The following CAPN15 variants were observed in gnomAD, a reference collection of about 807,000 sequenced individuals.
CAPN15 encodes calpain-15.
A neutral mutation model predicts 97.9 loss-of-function variants in CAPN15; 53 were observed. The observed-to-expected ratio is 0.54, with a 90% CI of 0.43 to 0.68. CAPN15 has a LOEUF of 0.68. CAPN15 is among the 30% of genes least tolerant of loss of function. CAPN15 has a pLI of 0.00. For synonymous variants in CAPN15, 922 were observed against 722.5 expected (o/e 1.28, Z -4.43); for missense variants, 1,592 against 1,589.8 (o/e 1.00, Z -0.02).
In CAPN15 at chr16:551,755, C is replaced by T. The variant is rs2142075109; in HGVS notation, c.2345+91C>T. ...GAACAAGCCTGTCCCTCCTGCTGAC[C>T]TGGGGTGGGGCGGCTTGTTCGTGGC... On this transcript the variant is annotated intron_variant, in intron 9 of 13. Transcript: ENST00000219611. 4 of 1,520,116 alleles carry T rather than the reference C, an allele frequency of 2.6e-6. No individual in the cohort carries two copies. In the South Asian group the frequency reaches 3.5e-5, roughly 13 times the overall value. 94.2% of individuals were successfully genotyped at this position (1,520,116 alleles called of 1,614,324 possible). A position where few individuals can be genotyped will look rare whatever the true frequency, so the allele number is the denominator to read the frequency against.
At chr16:544,701 A>ACGT (rs1167715867) in intron 3 of CAPN15, among the ~76,000 whole-genome samples, 1 of 69,680 alleles carries the variant, frequency 1.4e-5, no homozygotes, top group Admixed American at 1.5e-4. Flanking sequence ...CGCCTCCCCC[A>ACGT]CGTCGCCTCC....
intron 3 of CAPN15, among the ~76,000 whole-genome samples, chr16:542,174 G>A (rs34433710): frequency 0.081 from 12,402 of 152,342 alleles, 575 homozygotes; most frequent in Non-Finnish European, 0.11. Context: ...TTTGCGGGAT[G>A]AACCGCATTT....
In CAPN15 at chr16:546,974, C is replaced by G. The variant is rs376014063; in HGVS notation, c.136C>G (p.Gln46Glu). The change falls in exon 4 of 14, where the codon CAG becomes GAG. Residue 46 changes from glutamine to glutamate, a missense_variant. By Grantham distance (29) the Gln-to-Glu change is conservative. Transcript: ENST00000219611. ...NHILRLSVEE[Q>E]KWPCARCTFR... ...CATCCTGCGGCTCAGCGTGGAGGAGCAGAAATGGCCCTGCGCCCGCTGCAC... is the reference window on the plus strand; with the variant it reads ...CATCCTGCGGCTCAGCGTGGAGGAGGAGAAATGGCCCTGCGCCCGCTGCAC... The G allele has an allele frequency of 9.3e-6, 15 of 1,610,240 alleles. No individual in the cohort carries two copies. Among genetic ancestry groups the G allele is most frequent in the Non-Finnish European group, 1.2e-5 (14 of 1,179,890 alleles).
chr16:528,866 C>A, intron 1 of CAPN15: 1 of 666,100 alleles, frequency 1.5e-6, no homozygotes, highest in Non-Finnish European at 1.9e-6. Flanking sequence ...TTCCTCTGCC[C>A]AGGTCTGAGG....
chr16:538,886 C>T (rs1164615317), intron 3 of CAPN15: 1 of 149,672 alleles, frequency 6.7e-6, no homozygotes, highest in Non-Finnish European at 1.5e-5. Flanking sequence ...CCCCCCCCAG[C>T]CCGCTCACCT....
chr16:553,745 A>G lies in CAPN15; in HGVS notation c.*229A>G. 1 of 419,796 alleles carries G rather than the reference A, an allele frequency of 2.4e-6. No individual in the cohort carries two copies. The highest frequency in any genetic ancestry group is 4.3e-6 in the Non-Finnish European group (1 of 234,898). 26.0% of individuals were successfully genotyped at this position (419,796 alleles called of 1,614,324 possible). On this transcript the variant is annotated 3_prime_UTR_variant, in exon 14 of 14. Coordinates refer to ENST00000219611, the MANE Select transcript of CAPN15 (RefSeq NM_005632.3). ...CCTGGCCGCCACGCAGAATACCTCG[A>G]ACCAGGCGGGCTGTGAACCAGCCCC...
At chr16:543,910 C>T (rs1009064768) in intron 3 of CAPN15, among the ~76,000 whole-genome samples, 4 of 152,322 alleles carry the variant, frequency 2.6e-5, no homozygotes, top group East Asian at 1.9e-4. Context: ...GCCCCATGAC[C>T]GCTCCCCCAC....
rs1356060897 is a variant in CAPN15 at position 552,548 on chromosome 16, C to G, written c.2737+18C>G. The G allele has an allele frequency of 4.4e-6, 7 of 1,583,622 alleles. No individual in the cohort carries two copies. The highest frequency in any genetic ancestry group is 1.7e-5 in the Admixed American group (1 of 57,656). ...CCCCCAGGGTACGTGGCCCCTACCCCAGGCTCATGCCCCAGGCCCACGGGG... is the reference window on the plus strand; with the variant it reads ...CCCCCAGGGTACGTGGCCCCTACCCGAGGCTCATGCCCCAGGCCCACGGGG... On this transcript the variant is annotated intron_variant, in intron 11 of 13. Coordinates refer to ENST00000219611, the MANE Select transcript of CAPN15 (RefSeq NM_005632.3). The surrounding 1 kb of genome is among the most constrained non-coding windows in gnomAD (Gnocchi z 6.4).
Position 535,564 on chromosome 16 carries a change from C to T in CAPN15, c.-136-465C>T, listed in dbSNP as rs760888061. 6.6e-6 allele frequency among the ~76,000 whole-genome samples: 1 copy of T among 152,114 alleles called. No individual in the cohort carries two copies. Among genetic ancestry groups the T allele is most frequent in the African/African-American group, 2.4e-5 (1 of 41,418 alleles). On this transcript the variant is annotated intron_variant, in intron 2 of 13. Transcript: ENST00000219611. This position sits in a 1 kb window ranked among gnomAD's most constrained non-coding sequence, Gnocchi z 6.2. Reference sequence around the variant, plus strand: ...ACCGCCCCGTTTAAAACTAGGGCATCGGCTCCCAGGGAGGGCGGGGAGCTG... The same window carrying T: ...ACCGCCCCGTTTAAAACTAGGGCATTGGCTCCCAGGGAGGGCGGGGAGCTG...
Position 554,177 on chromosome 16 carries a change from C to G in CAPN15, c.*661C>G, listed in dbSNP as rs1422954540. 3.6e-6 allele frequency: 1 copy of G among 279,984 alleles called. No homozygotes were observed. The highest frequency in any genetic ancestry group is 2.2e-5 in the African/African-American group (1 of 45,656). 17.3% of individuals were successfully genotyped at this position (279,984 alleles called of 1,614,324 possible). On this transcript the variant is annotated 3_prime_UTR_variant, in exon 14 of 14. Transcript: ENST00000219611. ...GGGTGGGCACCAGTTCTCAGCACCG[C>G]TCACTGCTGCCGGGCACACTGGGAC...
At chr16:531,529 G>A (rs746813956) in intron 1 of CAPN15, among the ~76,000 whole-genome samples, 14 of 152,202 alleles carry the variant, frequency 9.2e-5, no homozygotes, top group Non-Finnish European at 8.8e-5. Context: ...GGTGGCTGCA[G>A]AGAGGCTGGA....
At chr16:533,575 C>G (rs777266608) in intron 1 of CAPN15, among the ~76,000 whole-genome samples, 1 of 152,166 alleles carries the variant, frequency 6.6e-6, no homozygotes, top group Non-Finnish European at 1.5e-5. Flanking sequence ...TCTGCAGCCC[C>G]GCTCATGGAC....
chr16:534,724 G>A (rs895549836), intron 2 of CAPN15, among the ~76,000 whole-genome samples: 39 of 152,214 alleles, frequency 2.6e-4, no homozygotes, highest in African/African-American at 5.8e-4. Flanking sequence ...GTTTTAGGGC[G>A]CAGTGGGGTT....
chr16:547,966 G>GC lies in CAPN15; in HGVS notation c.1134dup (p.Thr379HisfsTer113), dbSNP rs1310797618. On this transcript the variant is annotated frameshift_variant, in exon 4 of 14. Coordinates refer to ENST00000219611, the MANE Select transcript of CAPN15 (RefSeq NM_005632.3). LOFTEE classifies it high-confidence loss of function. Reference sequence around the variant, plus strand: ...TGCACGGCTTCCAGGAGCATGGCGAGCCCCCCACCCACTGCCCCGACTGTG... The same window carrying GC: ...TGCACGGCTTCCAGGAGCATGGCGAGCCCCCCCACCCACTGCCCCGACTGTG... 6 of 1,586,428 alleles carry GC rather than the reference G, an allele frequency of 3.8e-6. No individual in the cohort carries two copies. Among genetic ancestry groups the GC allele is most frequent in the East Asian group, 2.3e-5 (1 of 42,880 alleles).
chr16:553,765 A>C lies in CAPN15; in HGVS notation c.*249A>C. On this transcript the variant is annotated 3_prime_UTR_variant, in exon 14 of 14. Transcript: ENST00000219611. Reference sequence around the variant, plus strand: ...CCTCGAACCAGGCGGGCTGTGAACCAGCCCCGCTCACCTGCCAGCCCCAAC... The same window carrying C: ...CCTCGAACCAGGCGGGCTGTGAACCCGCCCCGCTCACCTGCCAGCCCCAAC... 5.5e-6 allele frequency: 2 copies of C among 364,860 alleles called. No homozygotes were observed. Among genetic ancestry groups the C allele is most frequent in the Non-Finnish European group, 5.0e-6 (1 of 201,620 alleles). The allele number at this position is 364,860 out of a possible 1,614,324, so 22.6% of individuals were successfully genotyped here.
chr16:551,191 G>A (rs144043662), intron 7 of CAPN15, 111 bp from the exon 8 acceptor site: 54,853 of 1,376,660 alleles, frequency 0.04, 1,434 homozygotes, highest in Non-Finnish European at 0.042. Context: ...TGAGGGCCCC[G>A]GTCGGTGAGG....
chr16:546,961 C>T lies in CAPN15; in HGVS notation c.123C>T (p.Leu41=). The change falls in exon 4 of 14, where the codon CTC becomes CTT. Residue 41 remains leucine (L), a synonymous_variant. Transcript: ENST00000219611. ...CCGACCTCAACCACATCCTGCGGCT[C>T]AGCGTGGAGGAGCAGAAATGGCCCT... The part of the protein sequence containing the change: ...HKPDLNHILR[L]SVEEQKWPCA... 2 of 1,610,496 alleles carry T rather than the reference C, an allele frequency of 1.2e-6. No individual in the cohort carries two copies. Among genetic ancestry groups the T allele is most frequent in the Non-Finnish European group, 1.7e-6 (2 of 1,179,894 alleles).
At chr16:533,754 G>C (rs1477414975) in intron 1 of CAPN15, among the ~76,000 whole-genome samples, 192 bp from the exon 2 acceptor site, 1 of 152,086 alleles carries the variant, frequency 6.6e-6, no homozygotes, top group East Asian at 1.9e-4. Flanking sequence ...GCTGCTCCCC[G>C]GGCTGCCTTT....
intron 3 of CAPN15, among the ~76,000 whole-genome samples, chr16:544,948 A>ACCATC (rs2034485722): frequency 7.0e-6 from 1 of 142,138 alleles, no homozygotes; most frequent in South Asian, 2.2e-4. Context: ...TTCGAAGGTA[A>ACCATC]CCATCCTGCA....
Sources: allele counts gnomAD v4.1 joint callset (sites outside exome capture counted in the v4.1 genomes callset), GRCh38; gene constraint gnomAD v4.1.1; non-coding constraint Gnocchi (gnomAD v3.1); transcripts MANE v1.5; gene names NCBI Gene and HGNC (gene_info 2026-07-23, HGNC 2026-07-21).